The following ALMS1 variants were observed in gnomAD, a reference collection of about 807,000 sequenced individuals.
The protein encoded by ALMS1 is centrosome-associated protein ALMS1.
In ALMS1, 271 loss-of-function variants were observed where a neutral mutation model predicts 352.2. The ratio of observed to expected loss-of-function variants is 0.77; its 90% CI spans 0.70 to 0.85. The LOEUF (loss-of-function observed/expected upper bound fraction) is 0.85. Ranked by LOEUF, ALMS1 falls within the 40% of genes least tolerant of loss-of-function variation. The pLI, the probability that ALMS1 is intolerant of heterozygous loss-of-function variation, is 0.00. For missense variants in ALMS1, 5,445 were observed against 4,870.7 expected (o/e 1.12, Z -3.51); for synonymous variants, 1,865 against 1,761.2 (o/e 1.06, Z -1.48).
chr2:73,519,178 A>G (rs1206874019), intron 10 of ALMS1, among the ~76,000 whole-genome samples: 1 of 152,162 alleles, frequency 6.6e-6, no homozygotes, highest in Non-Finnish European at 1.5e-5. Context: ...TTCAGTGCAT[A>G]CACAAAGGAG....
intron 7 of ALMS1, among the ~76,000 whole-genome samples, chr2:73,438,103 C>T (rs1671641599): frequency 6.6e-6 from 1 of 152,184 alleles, no homozygotes; most frequent in Admixed American, 6.5e-5. Context: ...TACCGTCAGT[C>T]TCCTCTGTGC....
intron 1 of ALMS1, among the ~76,000 whole-genome samples, chr2:73,400,093 A>G (rs938276290): frequency 6.6e-6 from 1 of 151,996 alleles, no homozygotes; most frequent in Non-Finnish European, 1.5e-5. Context: ...ATGTGCCACC[A>G]TACCAGGCTA....
intron 15 of ALMS1, among the ~76,000 whole-genome samples, chr2:73,564,422 C>T (rs556046190): frequency 6.7e-4 from 99 of 148,170 alleles, no homozygotes; most frequent in Non-Finnish European, 1.0e-3. Flanking sequence ...GCCAAGATCG[C>T]GCCACTGCAC....
At chr2:73,460,350 AT>A (rs1672162636) in intron 9 of ALMS1, among the ~76,000 whole-genome samples, 1 of 152,226 alleles carries the variant, frequency 6.6e-6, no homozygotes, top group Non-Finnish European at 1.5e-5. Context: ...AAAATAAATT[AT>A]ATCTATCTAG....
In ALMS1 at chr2:73,495,853, T is replaced by A. The variant is rs186847165; in HGVS notation, c.9539+4355T>A. On this transcript the variant is annotated intron_variant, in intron 10 of 22. Transcript: ENST00000613296. ...ATAGCGATAAAACTGGCTCTCATTA[T>A]CTGTAATATATTTACCCTAATATAT... Among the ~76,000 whole-genome samples, 94 of 152,330 alleles carry A rather than the reference T, an allele frequency of 6.2e-4. 1 individual carries two copies. Among genetic ancestry groups the A allele is most frequent in the Admixed American group, 6.1e-3 (93 of 15,304 alleles).
intron 21 of ALMS1, among the ~76,000 whole-genome samples, chr2:73,607,828 T>G (rs1325498088): frequency 6.7e-6 from 1 of 150,010 alleles, no homozygotes; most frequent in Non-Finnish European, 1.5e-5. Context: ...TTTTTTTTTT[T>G]GGTGTGTGTG....
intron 11 of ALMS1, among the ~76,000 whole-genome samples, chr2:73,524,457 A>G (rs1328291881): frequency 6.6e-6 from 1 of 151,840 alleles, no homozygotes; most frequent in Non-Finnish European, 1.5e-5. Context: ...TTTATTTTTT[A>G]AGTATTTATT....
intron 9 of ALMS1, among the ~76,000 whole-genome samples, chr2:73,476,902 C>G (rs558212421): frequency 1.3e-5 from 2 of 152,130 alleles, no homozygotes; most frequent in African/African-American, 4.8e-5. Flanking sequence ...TATAGCATAG[C>G]AAAACAAACT....
In ALMS1 at chr2:73,453,817, T is replaced by C; in HGVS notation, c.7290T>C (p.Ser2430=). ...SDGNGSCSWD[S]NLPESLESVS... The stretch of plus-strand genomic sequence containing the variant: ...GAAATGGTTCCTGCTCGTGGGACAG[T>C]AATTTACCAGAGTCTTTGGAATCAG... Residue 2430 remains serine, a synonymous_variant, in exon 8 of 23, where the codon AGT becomes AGC. Transcript: ENST00000613296. 1.2e-6 allele frequency: 2 copies of C among 1,614,132 alleles called. No individual in the cohort carries two copies.
At chr2:73,589,888 C>T (rs11884364) in intron 16 of ALMS1, among the ~76,000 whole-genome samples, 11,296 of 152,116 alleles carry the variant, frequency 0.074, 1,026 homozygotes, top group African/African-American at 0.21. Context: ...CTTACAGGCT[C>T]GTATACTTAA....
intron 15 of ALMS1, among the ~76,000 whole-genome samples, chr2:73,563,564 T>C (rs1415206094): frequency 6.6e-6 from 1 of 150,852 alleles, no homozygotes; most frequent in African/African-American, 2.4e-5. Flanking sequence ...CTACTAAAAA[T>C]ACAAAAAAAT....
chr2:73,534,817 TC>T lies in ALMS1; in HGVS notation c.9782-5del. 1 of 1,612,998 alleles carries T rather than the reference TC, an allele frequency of 6.2e-7. No homozygotes were observed. Among genetic ancestry groups the T allele is most frequent in the Non-Finnish European group, 8.5e-7 (1 of 1,179,128 alleles). On this transcript the variant is annotated splice_polypyrimidine_tract_variant and splice_region_variant and intron_variant, in intron 11 of 22. Coordinates refer to ENST00000613296, the MANE Select transcript of ALMS1 (RefSeq NM_001378454.1). The stretch of plus-strand genomic sequence containing the variant: ...CATATTAATTGTTCTGATTTTTACC[TC>T]CTTAGGCCAGCCTTTATTATTGCCA...
At chr2:73,444,506 A>G (rs1218837489) in intron 7 of ALMS1, among the ~76,000 whole-genome samples, 2 of 152,228 alleles carry the variant, frequency 1.3e-5, no homozygotes, top group African/African-American at 4.8e-5. Context: ...CTGCTTTCGC[A>G]TTGAAAAAGA....
At position 73,386,003 on chromosome 2, in the gene ALMS1, G is replaced by A. The variant is rs765418565; in HGVS notation, c.135G>A (p.Glu45=). The change falls in exon 1 of 23, where the codon GAG becomes GAA. Residue 45 remains glutamate (E), a synonymous_variant. Coordinates refer to ENST00000613296, the MANE Select transcript of ALMS1 (RefSeq NM_001378454.1). ...TGGACGACGTAGTGGTCGTGGAGGA[G>A]GTGGAGGAAGAGGCGGGGCGGGAGT... The part of the protein sequence containing the change: ...ANVDDVVVVE[E]VEEEAGRELD... The A allele has an allele frequency of 1.9e-6, 3 of 1,559,470 alleles. No homozygotes were observed. The Admixed American group carries it at 5.8e-5, about 30-fold the overall frequency.
chr2:73,441,124 T>A (rs188119655), intron 7 of ALMS1, among the ~76,000 whole-genome samples: 1 of 152,280 alleles, frequency 6.6e-6, no homozygotes, highest in African/African-American at 2.4e-5. Context: ...TGTCAGTGGG[T>A]CACCCACTTG....
chr2:73,584,752 C>T (rs554926319), intron 16 of ALMS1, among the ~76,000 whole-genome samples: 1 of 152,122 alleles, frequency 6.6e-6, no homozygotes, highest in South Asian at 2.1e-4. Context: ...TACACTGCAC[C>T]TAATGTGTAG....
At chr2:73,542,548 C>T (rs1263457180) in intron 12 of ALMS1, among the ~76,000 whole-genome samples, 1 of 152,096 alleles carries the variant, frequency 6.6e-6, no homozygotes, top group African/African-American at 2.4e-5. Flanking sequence ...AAAGGGTATT[C>T]AATTAGGAAA....
chr2:73,471,391 C>A (rs10189574), intron 9 of ALMS1, among the ~76,000 whole-genome samples: 58,374 of 150,140 alleles, frequency 0.39, 15,762 homozygotes, highest in African/African-American at 0.77. Context: ...AGTTAAGAGA[C>A]TGAACTGGTA....
At position 73,573,274 on chromosome 2, in the gene ALMS1, A is replaced by G. The variant is rs369063904; in HGVS notation, c.11397A>G (p.Val3799=). 20 of 1,613,976 alleles carry G rather than the reference A, an allele frequency of 1.2e-5. No homozygotes were observed. The highest frequency in any genetic ancestry group is 1.7e-5 in the Non-Finnish European group (20 of 1,179,974). ...TTCAAGCTTTTGGCCATGAAAGAGT[A>G]TGCTTGTCACCCAGACGAATTAAAT... is the stretch of plus-strand genomic sequence containing the variant. ...RLIQAFGHER[V]CLSPRRIKLY... Residue 3799 remains valine, a synonymous_variant, in exon 16 of 23, where the codon GTA becomes GTG. Coordinates refer to ENST00000613296, the MANE Select transcript of ALMS1 (RefSeq NM_001378454.1).
Sources: gnomAD v4.1 joint callset for allele counts (sites outside exome capture counted in the v4.1 genomes callset) on GRCh38, gnomAD v4.1.1 for gene constraint, MANE v1.5 for transcripts, NCBI Gene and HGNC (gene_info 2026-07-23, HGNC 2026-07-21) for gene names.